Variants in RGS7 observed in about 807,000 individuals in gnomAD.
RGS7 encodes regulator of G protein signaling 7.
In RGS7, 27 loss-of-function variants were observed where a neutral mutation model predicts 81.1. The observed-to-expected ratio is 0.33, with a 90% confidence interval of 0.25 to 0.46. The LOEUF is 0.46. Ranked by LOEUF, RGS7 falls within the 20% of genes least tolerant of loss-of-function variation. The pLI, the probability that RGS7 is intolerant of heterozygous loss-of-function variation, is 1.00. For synonymous variants in RGS7, 208 were observed against 207.7 expected (o/e 1.00, Z -0.01); for missense variants, 396 against 607.4 (o/e 0.65, Z 3.66).
chr1:241,187,659 G>A (rs529861949), intron 2 of RGS7, among the ~76,000 whole-genome samples: 3 of 152,256 alleles, frequency 2.0e-5, no homozygotes, highest in Admixed American at 2.0e-4. Context: ...CCTCATGGCT[G>A]TTGTCCCACT....
At chr1:241,196,992 A>T (rs1573081466) in intron 2 of RGS7, among the ~76,000 whole-genome samples, 1 of 24,580 alleles carries the variant, frequency 4.1e-5, no homozygotes, top group African/African-American at 6.4e-5. Context: ...AAAAGAATGT[A>T]AAAAAAAAAA....
chr1:241,233,003 T>C (rs983098377), intron 2 of RGS7, among the ~76,000 whole-genome samples: 1 of 152,320 alleles, frequency 6.6e-6, no homozygotes, highest in East Asian at 1.9e-4. Context: ...ATAATCTTTT[T>C]ACAGGAATCA....
rs1442157843 is a variant in RGS7, at chr1:241,098,590, G to GA, written c.175+75dup. ...GGATTAGAGACAGAGTTTCAATAGT[G>GA]AACAGCTGGAATCAGTTTTAAAGAG... On this transcript the variant is annotated intron_variant, in intron 3 of 18. Coordinates refer to ENST00000440928, the MANE Select transcript of RGS7 (RefSeq NM_001364886.1). 4.2e-6 allele frequency: 4 copies of GA among 955,888 alleles called. No homozygotes were observed. In the Admixed American group the frequency reaches 7.1e-5, roughly 17 times the overall value. 59.2% of individuals were successfully genotyped at this position (955,888 alleles called of 1,614,324 possible).
intron 6 of RGS7, among the ~76,000 whole-genome samples, chr1:240,909,206 T>C (rs552351784): frequency 6.6e-6 from 1 of 152,340 alleles, no homozygotes; most frequent in African/African-American, 2.4e-5. Flanking sequence ...GTTTATGTTA[T>C]CCTCATCAAT....
intron 2 of RGS7, among the ~76,000 whole-genome samples, chr1:241,231,288 C>T (rs192374664): frequency 2.0e-5 from 3 of 152,214 alleles, no homozygotes; most frequent in Admixed American, 2.0e-4. Flanking sequence ...ATAGAATAGT[C>T]TATTTGATAA....
intron 2 of RGS7, among the ~76,000 whole-genome samples, chr1:241,192,424 T>C (rs1304524032): frequency 6.6e-6 from 1 of 152,158 alleles, no homozygotes; most frequent in Non-Finnish European, 1.5e-5. Flanking sequence ...AGCTCAAATG[T>C]TTCTTTTCTC....
chr1:241,325,571 G>T (rs1265632542), intron 2 of RGS7, among the ~76,000 whole-genome samples: 1 of 152,106 alleles, frequency 6.6e-6, no homozygotes, highest in Non-Finnish European at 1.5e-5. Flanking sequence ...AATCTCTACT[G>T]ACTTTCACTA....
chr1:241,153,443 T>C (rs1485415727), intron 2 of RGS7, among the ~76,000 whole-genome samples: 1 of 152,134 alleles, frequency 6.6e-6, no homozygotes, highest in Non-Finnish European at 1.5e-5. Context: ...ATACAAGTTA[T>C]ATCGATGAGT....
intron 4 of RGS7, among the ~76,000 whole-genome samples, chr1:240,960,219 T>TCTTTTC (rs1553367158): frequency 1.9e-5 from 1 of 52,998 alleles, no homozygotes; most frequent in African/African-American, 6.7e-5. Flanking sequence ...TTCTTCTTCT[T>TCTTTTC]TTTTTTTTTT....
chr1:241,317,042 C>T (rs2080921212), intron 2 of RGS7, among the ~76,000 whole-genome samples: 1 of 152,200 alleles, frequency 6.6e-6, no homozygotes, highest in South Asian at 2.1e-4. Flanking sequence ...AATAATCAAT[C>T]AAGCACTGAT....
intron 3 of RGS7, among the ~76,000 whole-genome samples, chr1:240,999,762 G>T (rs1298826084): frequency 8.8e-6 from 1 of 114,204 alleles, no homozygotes; most frequent in Non-Finnish European, 1.8e-5. Flanking sequence ...CACCACGCTC[G>T]GCTAATTTTT....
At chr1:241,326,644 G>A (rs199915247) in intron 2 of RGS7, among the ~76,000 whole-genome samples, 1 of 105,256 alleles carries the variant, frequency 9.5e-6, no homozygotes, top group Non-Finnish European at 2.1e-5. Context: ...AAAAATAACA[G>A]TAGAAAAAGT....
chr1:240,856,312 T>G (rs1482591179), intron 9 of RGS7, among the ~76,000 whole-genome samples: 1 of 152,224 alleles, frequency 6.6e-6, no homozygotes, highest in Admixed American at 6.5e-5. Context: ...TTATAGTATT[T>G]GCATAATAAT....
intron 3 of RGS7, among the ~76,000 whole-genome samples, chr1:241,003,323 T>C (rs539483): frequency 0.74 from 112,115 of 151,692 alleles, 42,036 homozygotes; most frequent in East Asian, 0.93. Flanking sequence ...TAGCCGGGCG[T>C]CGTGGCAGGT....
intron 4 of RGS7, among the ~76,000 whole-genome samples, chr1:240,952,635 A>C (rs182712124): frequency 6.6e-6 from 1 of 152,016 alleles, no homozygotes; most frequent in East Asian, 1.9e-4. Flanking sequence ...GTTTTGTCCA[A>C]ATGCATTGCA....
chr1:240,987,050 G>A (rs908034003), intron 3 of RGS7, among the ~76,000 whole-genome samples: 2 of 151,986 alleles, frequency 1.3e-5, no homozygotes, highest in African/African-American at 4.8e-5. Flanking sequence ...CTTCCATTAC[G>A]GTCCACGTCT....
At chr1:241,151,386 C>G (rs1042561424) in intron 2 of RGS7, among the ~76,000 whole-genome samples, 17 of 151,872 alleles carry the variant, frequency 1.1e-4, no homozygotes, top group African/African-American at 2.9e-4. Context: ...GCTCAGGAAG[C>G]CTGTCCAGCC....
chr1:240,896,175 G>A lies in RGS7; in HGVS notation c.386-26056C>T, dbSNP rs1669063208. Among the ~76,000 whole-genome samples, 3 of 152,130 alleles carry A rather than the reference G, an allele frequency of 2.0e-5. No individual in the cohort carries two copies. The South Asian group carries it at 6.2e-4, about 32-fold the overall frequency. ...TTTGTTTAAGTTCTTCATAGATTCT[G>A]GATATTAGCCCTTTGTCAGATGGGT... On this transcript the variant is annotated intron_variant, in intron 6 of 18. Coordinates refer to ENST00000440928, the MANE Select transcript of RGS7 (RefSeq NM_001364886.1).
rs879299204 is a variant in RGS7 at position 240,920,878 on chromosome 1, AT to A, written c.385+9838del. 7.6e-3 allele frequency among the ~76,000 whole-genome samples: 1,126 copies of A among 148,040 alleles called. 10 individuals carry two copies. Among genetic ancestry groups the A allele is most frequent in the African/African-American group, 0.019 (771 of 40,538 alleles). On this transcript the variant is annotated intron_variant, in intron 6 of 18. Coordinates refer to ENST00000440928, the MANE Select transcript of RGS7 (RefSeq NM_001364886.1). ...ATTCCAACAAAGGGTCTTAATGTAG[AT>A]TTTTTTTTTTCACCCATGCTGTTGA...
Sources: gnomAD v4.1 joint callset for allele counts (sites outside exome capture counted in the v4.1 genomes callset) on GRCh38, gnomAD v4.1.1 for gene constraint, MANE v1.5 for transcripts, NCBI Gene and HGNC (gene_info 2026-07-23, HGNC 2026-07-21) for gene names.